ELAVL2: variants seen among roughly 807,000 people sequenced by gnomAD.
The protein encoded by ELAVL2 is ELAV-like protein 2.
Under a neutral mutation model 34.6 loss-of-function variants are expected in ELAVL2, and 4 were observed. That is an observed-to-expected ratio of 0.12 (90% confidence interval 0.06 to 0.26). ELAVL2 has a LOEUF of 0.26. ELAVL2 is among the 10% of genes least tolerant of loss of function. ELAVL2 has a pLI of 1.00. For missense variants in ELAVL2, 432 were observed against 442.8 expected, an observed-to-expected ratio of 0.98 and a Z score of 0.22; for synonymous variants, 193 against 154.8, an observed-to-expected ratio of 1.25 and a Z score of -1.83.
chr9:23,728,870 C>A (rs1587802736), intron 3 of ELAVL2, among the ~76,000 whole-genome samples: 1 of 152,078 alleles, frequency 6.6e-6, no homozygotes, highest in Non-Finnish European at 1.5e-5. Flanking sequence ...CAGCTGTTAT[C>A]TGATATTTTT....
chr9:23,803,767 CT>C (rs1198856274), intron 1 of ELAVL2, among the ~76,000 whole-genome samples: 1 of 152,144 alleles, frequency 6.6e-6, no homozygotes, highest in Non-Finnish European at 1.5e-5. Flanking sequence ...ACAAGTCCCC[CT>C]ATCTGTATAA....
intron 1 of ELAVL2, among the ~76,000 whole-genome samples, chr9:23,805,683 T>C (rs555647461): frequency 1.3e-5 from 2 of 152,140 alleles, no homozygotes; most frequent in Non-Finnish European, 2.9e-5. Context: ...ACCTTAGACC[T>C]CAACTTCTCT....
chr9:23,696,754 G>C (rs919285052), intron 5 of ELAVL2, among the ~76,000 whole-genome samples: 38 of 152,226 alleles, frequency 2.5e-4, no homozygotes, highest in African/African-American at 8.7e-4. Flanking sequence ...ACAGGAGTGA[G>C]CCACCACGCC....
intron 1 of ELAVL2, among the ~76,000 whole-genome samples, chr9:23,782,928 C>T (rs1193640583): frequency 6.6e-6 from 1 of 152,170 alleles, no homozygotes; most frequent in East Asian, 1.9e-4. Flanking sequence ...TTGATAGCCT[C>T]TTCTCTTTCC....
the ELAVL2 span, among the ~76,000 whole-genome samples, chr9:23,848,208 A>G: frequency 6.6e-6 from 1 of 152,176 alleles, no homozygotes; most frequent in Non-Finnish European, 1.5e-5. Flanking sequence ...ATAGTTGAGT[A>G]ATATGATCTA....
rs1208296184 is a variant in ELAVL2 at position 23,692,870 on chromosome 9, G to A, written c.767C>T (p.Thr256Ile). The change falls in exon 7 of 7, where the codon ACC (threonine) becomes ATC (isoleucine). Residue 256 changes from threonine (T) to isoleucine (I), a missense_variant. By Grantham distance (89) the Thr-to-Ile change is moderately conservative. Around this residue, in one of 3 missense-constraint regions of ELAVL2, gnomAD observed 295 missense variants for 306.1 expected, o/e 0.96. Transcript: ENST00000397312. Reference sequence around the variant, plus strand: ...AGCCAAACTGGTCATTCCGTCAATGGTCATTGGAGAAAACCTGCTAAACAG... The same window carrying A: ...AGCCAAACTGGTCATTCCGTCAATGATCATTGGAGAAAACCTGCTAAACAG... ...AYGVKRFSPM[T>I]IDGMTSLAGI... The A allele has an allele frequency of 1.2e-6, 2 of 1,613,562 alleles. No individual in the cohort carries two copies. Among genetic ancestry groups the A allele is most frequent in the Admixed American group, 3.3e-5 (2 of 59,992 alleles).
intron 1 of ELAVL2, among the ~76,000 whole-genome samples, chr9:23,818,729 T>C (rs1241720585): frequency 6.6e-6 from 1 of 152,174 alleles, no homozygotes; most frequent in African/African-American, 2.4e-5. Context: ...AATGTGACGA[T>C]GTGATAGATT....
chr9:23,770,134 C>T (rs1000243282), intron 1 of ELAVL2, among the ~76,000 whole-genome samples: 1 of 152,162 alleles, frequency 6.6e-6, no homozygotes, highest in African/African-American at 2.4e-5. Flanking sequence ...TGCTGATTTG[C>T]TGTGGATGGT....
chr9:23,746,677 C>T (rs147822606), intron 2 of ELAVL2, among the ~76,000 whole-genome samples: 1 of 152,046 alleles, frequency 6.6e-6, no homozygotes, highest in Non-Finnish European at 1.5e-5. Context: ...CAACTGGCTT[C>T]TGGAATTAGC....
chr9:23,781,255 T>C (rs1008325067), intron 1 of ELAVL2, among the ~76,000 whole-genome samples: 8 of 152,212 alleles, frequency 5.3e-5, no homozygotes, highest in Non-Finnish European at 8.8e-5. Flanking sequence ...TCTGCTTTCA[T>C]GCTCTCCTAA....
At chr9:23,721,607 G>A (rs376695514) in intron 3 of ELAVL2, among the ~76,000 whole-genome samples, 7 of 152,252 alleles carry the variant, frequency 4.6e-5, no homozygotes, top group African/African-American at 1.7e-4. Context: ...TTCCTGTACT[G>A]TTTTCAAAAT....
intron 1 of ELAVL2, among the ~76,000 whole-genome samples, chr9:23,784,594 C>G (rs1036880695): frequency 2.8e-4 from 43 of 152,276 alleles, no homozygotes; most frequent in African/African-American, 9.9e-4. Flanking sequence ...TGGAACCCAG[C>G]AGGCAGAGTT....
At chr9:23,829,190 G>T (rs1007082319), upstream of ELAVL2, among the ~76,000 whole-genome samples, 1 of 152,214 alleles carries the variant, frequency 6.6e-6, no homozygotes. Flanking sequence ...GGGAATGACT[G>T]CGAACTTGGA....
intron 1 of ELAVL2, among the ~76,000 whole-genome samples, chr9:23,779,979 T>TAAAAAAAAAAAAAAA (rs61251366): frequency 2.1e-5 from 1 of 48,256 alleles, no homozygotes; most frequent in Non-Finnish European, 4.0e-5. Context: ...TAGTGTTCCT[T>TAAAAAAAAAAAAAAA]AAAAAAAAAA....
intron 1 of ELAVL2, among the ~76,000 whole-genome samples, chr9:23,779,535 T>C (rs903476773): frequency 2.2e-4 from 34 of 152,266 alleles, no homozygotes; most frequent in African/African-American, 7.5e-4. Context: ...AGCTGCTATT[T>C]TGTTTCCTGT....
At chr9:23,789,272 C>T (rs1385277837) in intron 1 of ELAVL2, among the ~76,000 whole-genome samples, 1 of 152,070 alleles carries the variant, frequency 6.6e-6, no homozygotes, top group South Asian at 2.1e-4. Context: ...CTAGACGCAG[C>T]CACAAGAAAT....
chr9:23,842,158 T>C, the ELAVL2 span, among the ~76,000 whole-genome samples: 2 of 152,166 alleles, frequency 1.3e-5, no homozygotes, highest in Admixed American at 1.3e-4. Context: ...CTCTTTGAAA[T>C]TTCAGAGAGG....
intron 2 of ELAVL2, among the ~76,000 whole-genome samples, chr9:23,759,635 G>A (rs2054396957): frequency 6.6e-6 from 1 of 150,474 alleles, no homozygotes. Flanking sequence ...AATGTATATA[G>A]CATCAAAACA....
intron 3 of ELAVL2, among the ~76,000 whole-genome samples, chr9:23,713,774 G>T (rs987303685): frequency 2.6e-5 from 4 of 152,236 alleles, no homozygotes; most frequent in African/African-American, 7.2e-5. Context: ...CACTGTAACT[G>T]GTAAAGTTCT....
Sources: allele counts gnomAD v4.1 joint callset (sites outside exome capture counted in the v4.1 genomes callset), GRCh38; gene constraint gnomAD v4.1.1; regional missense constraint gnomAD v4.1.1; transcripts MANE v1.5; gene names NCBI Gene and HGNC (gene_info 2026-07-23, HGNC 2026-07-21).